EIF2S3: variants seen among roughly 807,000 people sequenced by gnomAD.
EIF2S3 encodes the protein eukaryotic translation initiation factor 2 subunit 3.
EIF2S3 carries 2 observed loss-of-function variants against 31.7 expected under a neutral mutation model. The ratio of observed to expected loss-of-function variants is 0.06; its 90% CI spans 0.03 to 0.20. EIF2S3 has a LOEUF of 0.20. EIF2S3 is among the 10% of genes least tolerant of loss of function. The pLI is 1.00. For missense variants in EIF2S3, 96 were observed against 359.3 expected (o/e 0.27, Z 5.92); for synonymous variants, 120 against 126.7 (o/e 0.95, Z 0.36).
chrX:24,075,380 C>T lies in EIF2S3; in HGVS notation c.1356-1342C>T, dbSNP rs180774477. On this transcript the variant is annotated intron_variant, in intron 11 of 11. Transcript: ENST00000253039. The stretch of plus-strand genomic sequence containing the variant: ...GCATACACACATTTTTGGCTCCTGA[C>T]TTTTTGCTCTTTCCCAGGTTATTGA... Among the ~76,000 whole-genome samples, 139 of 110,840 alleles carry T rather than the reference C, an allele frequency of 1.3e-3. 1 individual carries two copies. Among genetic ancestry groups the T allele is most frequent in the African/African-American group, 4.5e-3 (137 of 30,519 alleles).
At chrX:24,055,183 A>G (rs1025079372) in intron 1 of EIF2S3, 146 bp downstream of exon 1, 4 of 635,430 alleles carry the variant, frequency 6.3e-6, no homozygotes, top group Non-Finnish European at 7.1e-6. Flanking sequence ...GCCCTAAGCC[A>G]TGCTCGCGCC....
chrX:24,065,115 T>C (rs1930551753), intron 7 of EIF2S3, among the ~76,000 whole-genome samples: 1 of 111,559 alleles, frequency 9.0e-6, no homozygotes, highest in South Asian at 3.7e-4. Flanking sequence ...TAGTAGGAAA[T>C]AGTCTCCGAA....
At chrX:24,056,955 G>A (rs188536685) in intron 2 of EIF2S3, among the ~76,000 whole-genome samples, 203 of 112,759 alleles carry the variant, frequency 1.8e-3, no homozygotes, top group Non-Finnish European at 3.2e-3. Context: ...GGGTATGGAG[G>A]AGGAAAAATT....
chrX:24,075,156 C>T (rs1259234691), intron 11 of EIF2S3, among the ~76,000 whole-genome samples: 2 of 110,748 alleles, frequency 1.8e-5, no homozygotes, highest in African/African-American at 3.3e-5. Flanking sequence ...TGAGCCACCA[C>T]GCCTGACCTC....
chrX:24,073,810 A>G (rs924658878), intron 11 of EIF2S3, among the ~76,000 whole-genome samples: 4 of 112,512 alleles, frequency 3.6e-5, no homozygotes, highest in African/African-American at 6.5e-5. Flanking sequence ...CGGTATTTCT[A>G]TCGTCATTGG....
In EIF2S3 at chrX:24,055,007, G is replaced by A; in HGVS notation, c.39G>A (p.Pro13=). The stretch of plus-strand genomic sequence containing the variant: ...AAGCTGGAGTGACTCTAGGGCAGCC[G>A]CATCTTTCGCGTCAGGATCTCACCA... ...GGEAGVTLGQ[P]HLSRQDLTTL... Residue 13 remains proline, a synonymous_variant, in exon 1 of 12, where the codon CCG becomes CCA. Coordinates refer to ENST00000253039, the MANE Select transcript of EIF2S3 (RefSeq NM_001415.4). 8.3e-7 allele frequency: 1 copy of A among 1,211,078 alleles called. No individual in the cohort carries two copies. The highest frequency in any genetic ancestry group is 1.1e-6 in the Non-Finnish European group (1 of 895,415).
In EIF2S3 at chrX:24,075,181, T is replaced by G. The variant is rs1443124038; in HGVS notation, c.1356-1541T>G. On this transcript the variant is annotated intron_variant, in intron 11 of 11. Transcript: ENST00000253039. ...CGCCTGACCTCTTTCTTCTTTTTTT[T>G]GGAACATTTCCTTATTTTCTGGCAC... is the stretch of plus-strand genomic sequence containing the variant. Among the ~76,000 whole-genome samples, 10 of 110,909 alleles carry G rather than the reference T, an allele frequency of 9.0e-5. No individual in the cohort carries two copies. In the Admixed American group the frequency reaches 9.7e-4, roughly 11 times the overall value.
At chrX:24,055,703 C>T (rs1227629687) in intron 2 of EIF2S3, 25 bp downstream of exon 2, 10 of 1,177,797 alleles carry the variant, frequency 8.5e-6, no homozygotes, top group Non-Finnish European at 3.5e-6. Context: ...AGAGACCTAA[C>T]CTTGGTCTCC....
chrX:24,066,677 C>G (rs1315379545), intron 8 of EIF2S3, among the ~76,000 whole-genome samples: 3 of 110,755 alleles, frequency 2.7e-5, no homozygotes, highest in African/African-American at 9.8e-5. Flanking sequence ...CCATGCCCAG[C>G]TAATTTTTGT....
intron 4 of EIF2S3, among the ~76,000 whole-genome samples, chrX:24,059,634 G>A (rs1472404499): frequency 1.8e-5 from 2 of 111,304 alleles, no homozygotes; most frequent in Non-Finnish European, 3.8e-5. Flanking sequence ...CGTTGGTCAG[G>A]CTGGTCTCAA....
intron 8 of EIF2S3, among the ~76,000 whole-genome samples, chrX:24,067,282 G>T (rs749013662): frequency 5.5e-5 from 6 of 109,856 alleles, no homozygotes; most frequent in Non-Finnish European, 1.1e-4. Flanking sequence ...CAGGTGATCT[G>T]CCTGCCTCAG....
chrX:24,069,795 ATT>A (rs1485559230), intron 9 of EIF2S3, among the ~76,000 whole-genome samples: 1 of 101,197 alleles, frequency 9.9e-6, no homozygotes, highest in Non-Finnish European at 2.0e-5. Context: ...GGTTCAGTTA[ATT>A]CTCCTGCCTC....
chrX:24,058,789 C>T (rs1371354926), intron 4 of EIF2S3, among the ~76,000 whole-genome samples: 1 of 109,956 alleles, frequency 9.1e-6, no homozygotes, highest in Non-Finnish European at 1.9e-5. Context: ...CGGGGTTTTA[C>T]CATGTTGGCC....
intron 9 of EIF2S3, among the ~76,000 whole-genome samples, chrX:24,068,663 C>A (rs1380127635): frequency 2.7e-5 from 3 of 111,299 alleles, no homozygotes; most frequent in African/African-American, 9.8e-5. Flanking sequence ...CCAGGCTGGT[C>A]TTGAACTCCT....
At chrX:24,061,844 G>A (rs760142616) in intron 5 of EIF2S3, among the ~76,000 whole-genome samples, 40 of 111,152 alleles carry the variant, frequency 3.6e-4, no homozygotes, top group Non-Finnish European at 6.6e-4. Flanking sequence ...TAAAACTGGA[G>A]AGAGTTAGAG....
chrX:24,056,363 C>T (rs767404743), intron 2 of EIF2S3, among the ~76,000 whole-genome samples: 1 of 111,853 alleles, frequency 8.9e-6, no homozygotes, highest in Non-Finnish European at 1.9e-5. Context: ...GACCTTGGAG[C>T]ATAACCTAAC....
intron 2 of EIF2S3, 81 bp downstream of exon 2, chrX:24,055,759 ATG>A: frequency 1.1e-6 from 1 of 931,102 alleles, no homozygotes; most frequent in African/African-American, 1.9e-5. Context: ...CTTGAATAGT[ATG>A]AGGATTCAGA....
rs1312877003 is a variant in EIF2S3, at chrX:24,062,332, C to G, written c.479-84C>G. 2.9e-6 allele frequency: 3 copies of G among 1,051,458 alleles called. No individual in the cohort carries two copies. In the East Asian group the frequency reaches 9.4e-5, roughly 33 times the overall value. 86.7% of individuals were successfully genotyped at this position (1,051,458 alleles called of 1,213,427 possible). ...CCAGCCCCTTGCAACCCATAATTTG[C>G]TTTGTCTCTTTATGGATTTGCCCGC... On this transcript the variant is annotated intron_variant, in intron 5 of 11. Transcript: ENST00000253039.
At chrX:24,068,509 A>G (rs1279624666) in intron 9 of EIF2S3, among the ~76,000 whole-genome samples, 3 of 109,346 alleles carry the variant, frequency 2.7e-5, no homozygotes, top group Admixed American at 2.0e-4. Flanking sequence ...CAGTGGTGCA[A>G]TCTTGGCTCA....
Sources: allele counts gnomAD v4.1 joint callset (sites outside exome capture counted in the v4.1 genomes callset), GRCh38; gene constraint gnomAD v4.1.1; transcripts MANE v1.5; gene names NCBI Gene and HGNC (gene_info 2026-07-23, HGNC 2026-07-21).